Variants in VPS13C observed in about 807,000 individuals in gnomAD.
VPS13C encodes the protein vacuolar protein sorting 13 homolog C, also known as intermembrane lipid transfer protein VPS13C.
Under a neutral mutation model 456.8 loss-of-function variants are expected in VPS13C, and 358 were observed. The ratio of observed to expected loss-of-function variants is 0.78; its 90% CI spans 0.72 to 0.86. VPS13C has a LOEUF of 0.86. Ranked by LOEUF, VPS13C falls within the 40% of genes least tolerant of loss-of-function variation. The pLI is 0.00. For synonymous variants in VPS13C, 1,578 were observed against 1,486.7 expected, an observed-to-expected ratio of 1.06 and a Z score of -1.41; for missense variants, 4,818 against 4,385.4, an observed-to-expected ratio of 1.10 and a Z score of -2.79.
At position 61,936,732 on chromosome 15, in the gene VPS13C, C is replaced by T. The variant is rs200633287; in HGVS notation, c.5620G>A (p.Asp1874Asn). The change falls in exon 48 of 85, where the codon GAC becomes AAC. Residue 1874 changes from aspartate to asparagine, a missense_variant. Asp to Asn is a conservative substitution (Grantham distance 23, BLOSUM62 1). Transcript: ENST00000644861. ...KPMQVALSED[D>N]LTVLMKILLE... Reference sequence around the variant, plus strand: ...AAAATTTTCATTAAAACTGTCAAGTCATCTTCACTGAGAGCAACCTAGAAA... The same window carrying T: ...AAAATTTTCATTAAAACTGTCAAGTTATCTTCACTGAGAGCAACCTAGAAA... 6.2e-6 allele frequency: 10 copies of T among 1,610,304 alleles called. No homozygotes were observed. Among genetic ancestry groups the T allele is most frequent in the Middle Eastern group, 1.7e-4 (1 of 6,046 alleles).
intron 82 of VPS13C, among the ~76,000 whole-genome samples, chr15:61,863,064 C>T (rs964125727): frequency 6.6e-6 from 1 of 152,050 alleles, no homozygotes; most frequent in African/African-American, 2.4e-5. Context: ...ATGCTAATCA[C>T]TCAAAATAAA....
At chr15:61,896,163 T>G (rs928145291) in intron 66 of VPS13C, among the ~76,000 whole-genome samples, 1 of 152,104 alleles carries the variant, frequency 6.6e-6, no homozygotes, top group African/African-American at 2.4e-5. Context: ...TAAAAAGTCT[T>G]CCCTCAAAGA....
intron 15 of VPS13C, among the ~76,000 whole-genome samples, chr15:62,002,145 G>A (rs1337276783): frequency 2.0e-5 from 3 of 152,086 alleles, no homozygotes; most frequent in South Asian, 2.1e-4. Flanking sequence ...ACAGTGTAAA[G>A]GTGTTCCTAT....
chr15:61,882,586 A>G lies in VPS13C; in HGVS notation c.9624+10T>C. The stretch of plus-strand genomic sequence containing the variant: ...GATGATAAATACTTATTTGAGAATG[A>G]CAATGTTACCTGAAGCCAGTACAAC... On this transcript the variant is annotated intron_variant, in intron 69 of 84. Coordinates refer to ENST00000644861, the MANE Select transcript of VPS13C (RefSeq NM_020821.3). 1 of 1,505,110 alleles carries G rather than the reference A, an allele frequency of 6.6e-7. No individual in the cohort carries two copies. The highest frequency in any genetic ancestry group is 2.4e-5 in the East Asian group (1 of 41,732). The allele number at this position is 1,505,110 out of a possible 1,614,324, so 93.2% of individuals were successfully genotyped here.
intron 8 of VPS13C, among the ~76,000 whole-genome samples, chr15:62,021,912 A>G (rs2047476072): frequency 6.6e-6 from 1 of 151,920 alleles, no homozygotes; most frequent in African/African-American, 2.4e-5. Flanking sequence ...TCCAGTGAGC[A>G]TCTTTATGAT....
chr15:61,998,142 C>G (rs932141483), intron 16 of VPS13C, among the ~76,000 whole-genome samples: 1 of 152,172 alleles, frequency 6.6e-6, no homozygotes, highest in African/African-American at 2.4e-5. Context: ...AACCTTTAAG[C>G]AGTTACACTT....
chr15:61,951,013 C>G lies in VPS13C; in HGVS notation c.4468G>C (p.Glu1490Gln). Reference sequence around the variant, plus strand: ...GAAGAGTTAATAATGTGAAGAGGTTCCCCTTTAGAGTCTAAAAGAGAAAAA... The same window carrying G: ...GAAGAGTTAATAATGTGAAGAGGTTGCCCTTTAGAGTCTAAAAGAGAAAAA... ...QCFDFTDSKG[E>Q]PLHIINSSNV... The change falls in exon 40 of 85, where the codon GAA becomes CAA. Residue 1490 changes from glutamate to glutamine, a missense_variant. Physicochemically the swap from Glu to Gln is conservative, Grantham distance 29. Coordinates refer to ENST00000644861, the MANE Select transcript of VPS13C (RefSeq NM_020821.3). 2 of 1,596,442 alleles carry G rather than the reference C, an allele frequency of 1.3e-6. No homozygotes were observed. The highest frequency in any genetic ancestry group is 1.7e-6 in the Non-Finnish European group (2 of 1,172,154).
In VPS13C at chr15:62,023,861, A is replaced by G. The variant is rs2047546817; in HGVS notation, c.449-16T>C. 6.2e-7 allele frequency: 1 copy of G among 1,603,880 alleles called. No individual in the cohort carries two copies. The stretch of plus-strand genomic sequence containing the variant: ...CGTTTACGTCCTTCACAGTGGAAGC[A>G]TTTTAGTGAGAAAAGGATAAGATTC... On this transcript the variant is annotated splice_polypyrimidine_tract_variant and intron_variant, in intron 6 of 84. Transcript: ENST00000644861.
rs114705458 is a variant in VPS13C at position 62,051,614 on chromosome 15, A to G, written c.101-7359T>C. Among the ~76,000 whole-genome samples the G allele has an allele frequency of 3.6e-3, 555 of 152,338 alleles. 6 individuals carry two copies. The highest frequency in any genetic ancestry group is 0.025 in the East Asian group (129 of 5,184). On this transcript the variant is annotated intron_variant, in intron 1 of 84. Coordinates refer to ENST00000644861, the MANE Select transcript of VPS13C (RefSeq NM_020821.3). ...CCCTGGACAACAAAAATGCCATAAA[A>G]GAATCAGACTCAGCATTCACAGGCC...
chr15:61,969,391 G>A lies in VPS13C; in HGVS notation c.2819C>T (p.Thr940Ile). Residue 940 changes from threonine (T) to isoleucine (I), a missense_variant, in exon 28 of 85, where the codon ACT (threonine) becomes ATT (isoleucine). Thr to Ile is a moderately conservative substitution (Grantham distance 89). Coordinates refer to ENST00000644861, the MANE Select transcript of VPS13C (RefSeq NM_020821.3). ...CATTGTGGCCTCTGTTCCTAACTGA[G>A]TAACATTAAATACTAGAATTGTATC... ...EEDTILVFNV[T>I]QLGTEATMRT... The A allele has an allele frequency of 6.3e-7, 1 of 1,594,616 alleles. No individual in the cohort carries two copies. Among genetic ancestry groups the A allele is most frequent in the Non-Finnish European group, 8.5e-7 (1 of 1,169,948 alleles).
chr15:61,984,583 T>C (rs1439119999), intron 19 of VPS13C, among the ~76,000 whole-genome samples: 2 of 152,218 alleles, frequency 1.3e-5, no homozygotes, highest in Admixed American at 6.5e-5. Flanking sequence ...AAAAACTTAC[T>C]GTACTTGTCC....
chr15:62,007,734 T>C (rs1219209990), intron 14 of VPS13C, among the ~76,000 whole-genome samples: 3 of 152,220 alleles, frequency 2.0e-5, no homozygotes, highest in Admixed American at 2.0e-4. Context: ...CATTCCAGTA[T>C]GGTTATAACA....
chr15:61,919,296 G>C lies in VPS13C; in HGVS notation c.7631C>G (p.Pro2544Arg). 6.3e-7 allele frequency: 1 copy of C among 1,595,184 alleles called. No individual in the cohort carries two copies. Among genetic ancestry groups the C allele is most frequent in the Non-Finnish European group, 8.5e-7 (1 of 1,172,222 alleles). Residue 2544 changes from proline to arginine, a missense_variant, in exon 58 of 85, where the codon CCT becomes CGT. By Grantham distance (103) the Pro-to-Arg change is moderately radical. Transcript: ENST00000644861. Reference sequence around the variant, plus strand: ...TTAACTTTGAAGTATTACCTGTAGAGGAGAGCGAAGGGTAATTACTTTATT... The same window carrying C: ...TTAACTTTGAAGTATTACCTGTAGACGAGAGCGAAGGGTAATTACTTTATT... The part of the protein sequence containing the change: ...EGNKVITLRS[P>R]LQIKNHFSIA...
intron 67 of VPS13C, 142 bp from the exon 68 acceptor site, chr15:61,884,411 C>T: frequency 1.2e-6 from 1 of 858,798 alleles, no homozygotes; most frequent in Non-Finnish European, 1.7e-6. Context: ...ACGAACTATA[C>T]CTGTGTTGCA....
chr15:61,925,372 C>A, intron 53 of VPS13C, 84 bp downstream of exon 53: 1 of 709,216 alleles, frequency 1.4e-6, no homozygotes, highest in East Asian at 3.2e-5. Context: ...TGAGAGACAT[C>A]AAAAGATACT....
Position 61,909,052 on chromosome 15 carries a change from C to T in VPS13C, c.8918G>A (p.Gly2973Glu), listed in dbSNP as rs781540758. 14 of 1,613,598 alleles carry T rather than the reference C, an allele frequency of 8.7e-6. No individual in the cohort carries two copies. The highest frequency in any genetic ancestry group is 1.2e-5 in the Non-Finnish European group (14 of 1,179,960). Residue 2973 changes from glycine (G) to glutamate (E), a missense_variant, in exon 65 of 85, where the codon GGA becomes GAA. Transcript: ENST00000644861. ...GTTCATTATCAAGGCAGGTGCAGATCCCTCATGGTAATCAGAAAAAGTTAT... is the reference window on the plus strand; with the variant it reads ...GTTCATTATCAAGGCAGGTGCAGATTCCTCATGGTAATCAGAAAAAGTTAT... ...TVITFSDYHE[G>E]SAPALIMNHT...
In VPS13C at chr15:61,934,597, T is replaced by C. The variant is rs529526767; in HGVS notation, c.5756-266A>G. Among the ~76,000 whole-genome samples, 123 of 152,122 alleles carry C rather than the reference T, an allele frequency of 8.1e-4. 2 individuals carry two copies. The highest frequency in any genetic ancestry group is 7.2e-4 in the Non-Finnish European group (49 of 68,030). ...TTTTTTTTTAAAGAGGAGGCCTTAATTTTCAAGGCACTGACACCTAACTGG... is the reference window on the plus strand; with the variant it reads ...TTTTTTTTTAAAGAGGAGGCCTTAACTTTCAAGGCACTGACACCTAACTGG... On this transcript the variant is annotated intron_variant, in intron 48 of 84. Coordinates refer to ENST00000644861, the MANE Select transcript of VPS13C (RefSeq NM_020821.3).
At chr15:62,000,223 G>A (rs145566489) in intron 16 of VPS13C, among the ~76,000 whole-genome samples, 8 of 152,134 alleles carry the variant, frequency 5.3e-5, no homozygotes, top group South Asian at 2.1e-4. Context: ...AAAATTAGCC[G>A]GGCGTGGTGG....
chr15:61,866,332 G>C (rs1894589449), intron 81 of VPS13C: 1 of 983,462 alleles, frequency 1.0e-6, no homozygotes, highest in Non-Finnish European at 1.2e-6. Context: ...TATATGTTCA[G>C]ACAAAATAAT....
Sources: allele counts gnomAD v4.1 joint callset (sites outside exome capture counted in the v4.1 genomes callset), GRCh38; gene constraint gnomAD v4.1.1; transcripts MANE v1.5; gene names NCBI Gene and HGNC (gene_info 2026-07-23, HGNC 2026-07-21).